MAGI1: variants seen among roughly 807,000 people sequenced by gnomAD.
MAGI1 encodes membrane associated guanylate kinase, WW and PDZ domain containing 1.
A neutral mutation model predicts 139.9 loss-of-function variants in MAGI1; 58 were observed. That is an observed-to-expected ratio of 0.41 (90% confidence interval 0.34 to 0.52). The LOEUF (loss-of-function observed/expected upper bound fraction) is 0.52. MAGI1 is among the 20% of genes least tolerant of loss of function. MAGI1 has a pLI of 0.12. For synonymous variants in MAGI1, 812 were observed against 737.9 expected, an observed-to-expected ratio of 1.10 and a Z score of -1.63; for missense variants, 1,874 against 1,901.6, an observed-to-expected ratio of 0.99 and a Z score of 0.27.
intron 1 of MAGI1, among the ~76,000 whole-genome samples, chr3:65,887,512 A>G (rs1424197044): frequency 6.6e-6 from 1 of 152,020 alleles, no homozygotes; most frequent in African/African-American, 2.4e-5. Context: ...CTGTGCATTA[A>G]AAAAAACTAT....
chr3:65,527,237 T>C (rs983651241), intron 2 of MAGI1, among the ~76,000 whole-genome samples: 1 of 152,220 alleles, frequency 6.6e-6, no homozygotes, highest in Non-Finnish European at 1.5e-5. Flanking sequence ...CTTGGGATGC[T>C]ACCATAAGAG....
At chr3:65,889,658 ATAACAGTAAG>A (rs1176879494) in intron 1 of MAGI1, among the ~76,000 whole-genome samples, 1 of 152,252 alleles carries the variant, frequency 6.6e-6, no homozygotes, top group African/African-American at 2.4e-5. Flanking sequence ...AGGCCTTAAC[ATAACAGTAAG>A]TAACACAACA....
intron 2 of MAGI1, chr3:65,620,101 A>C (rs747987582): frequency 4.6e-6 from 2 of 437,420 alleles, no homozygotes; most frequent in Non-Finnish European, 6.1e-6. Flanking sequence ...AGCATGCCAA[A>C]ATGTAACCAT....
intron 2 of MAGI1, among the ~76,000 whole-genome samples, chr3:65,519,224 A>T (rs910693158): frequency 1.3e-5 from 2 of 151,990 alleles, no homozygotes; most frequent in East Asian, 3.9e-4. Flanking sequence ...GATCAGAGAG[A>T]CAATGAGGAC....
intron 1 of MAGI1, among the ~76,000 whole-genome samples, chr3:65,962,530 G>A (rs140912778): frequency 1.2e-4 from 18 of 152,080 alleles, no homozygotes; most frequent in Non-Finnish European, 1.8e-4. Flanking sequence ...ACATCAAAAC[G>A]TCCATTAGAA....
chr3:65,543,712 G>A (rs920960169), intron 2 of MAGI1, among the ~76,000 whole-genome samples: 1 of 152,002 alleles, frequency 6.6e-6, no homozygotes, highest in African/African-American at 2.4e-5. Flanking sequence ...GAGAATACAT[G>A]GACACAGAGA....
chr3:65,464,083 CA>C (rs1158810022), intron 5 of MAGI1, among the ~76,000 whole-genome samples: 2 of 152,066 alleles, frequency 1.3e-5, no homozygotes, highest in Non-Finnish European at 2.9e-5. Flanking sequence ...CTTTAGGGTC[CA>C]TAGTGACTCC....
At chr3:65,718,421 G>C (rs1252637444) in intron 1 of MAGI1, 1 of 152,160 alleles carries the variant, frequency 6.6e-6, no homozygotes, top group Non-Finnish European at 1.5e-5. Flanking sequence ...ATACATTTGA[G>C]AACAGAAATG....
intron 1 of MAGI1, among the ~76,000 whole-genome samples, chr3:65,756,993 T>C (rs1470043853): frequency 1.3e-5 from 2 of 152,226 alleles, no homozygotes; most frequent in African/African-American, 4.8e-5. Context: ...CTGAAATAAT[T>C]CTTTTCAGAC....
intron 3 of MAGI1, among the ~76,000 whole-genome samples, chr3:65,483,426 A>G (rs1265043613): frequency 6.6e-6 from 1 of 152,232 alleles, no homozygotes; most frequent in Non-Finnish European, 1.5e-5. Flanking sequence ...TCTCATCACA[A>G]TCAAGCAAAG....
At position 65,910,855 on chromosome 3, in the gene MAGI1, C is replaced by CTTTTTTTTTTTTTTTTTTTTTTTTTT. The variant is rs397989928; in HGVS notation, c.313+127140_313+127141insAAAAAAAAAAAAAAAAAAAAAAAAAA. On this transcript the variant is annotated intron_variant, in intron 1 of 22. Coordinates refer to ENST00000402939, the MANE Select transcript of MAGI1 (RefSeq NM_001033057.2). ...TGAGGCCTCTTTCAGACATGGTGGA[C>CTTTTTTTTTTTTTTTTTTTTTTTTTT]TTTTTTTTTTTTTTTTTTTTGAGAT... Among the ~76,000 whole-genome samples the CTTTTTTTTTTTTTTTTTTTTTTTTTT allele has an allele frequency of 6.7e-5, 4 of 59,480 alleles. 2 individuals carry two copies. Among genetic ancestry groups the CTTTTTTTTTTTTTTTTTTTTTTTTTT allele is most frequent in the South Asian group, 1.8e-3 (2 of 1,106 alleles). 39.0% of individuals were successfully genotyped at this position (59,480 alleles called of 152,430 possible). A position where few individuals can be genotyped will look rare whatever the true frequency, so the allele number is the denominator to read the frequency against.
At chr3:65,624,925 T>C (rs1445405901) in intron 1 of MAGI1, among the ~76,000 whole-genome samples, 1 of 152,208 alleles carries the variant, frequency 6.6e-6, no homozygotes, top group African/African-American at 2.4e-5. Flanking sequence ...CAGGCTTGTG[T>C]GCAGTGGCAC....
At position 65,816,296 on chromosome 3, in the gene MAGI1, T is replaced by C. The variant is rs192085563; in HGVS notation, c.314-194208A>G. ...ACAGGACTATCCAAAAAAAAAACAC[T>C]TTCAGTGATGAAAAATTTCCATAAT... On this transcript the variant is annotated intron_variant, in intron 1 of 22. Transcript: ENST00000402939. Among the ~76,000 whole-genome samples the C allele has an allele frequency of 6.9e-3, 1,047 of 152,218 alleles. 12 individuals are homozygous for C. The highest frequency in any genetic ancestry group is 0.021 in the African/African-American group (878 of 41,536).
intron 1 of MAGI1, among the ~76,000 whole-genome samples, chr3:65,994,268 C>G (rs2066325543): frequency 1.0e-5 from 1 of 95,924 alleles, no homozygotes; most frequent in African/African-American, 3.8e-5. Flanking sequence ...AGCAAGACTC[C>G]ATCTCAAAAA....
At position 65,778,284 on chromosome 3, in the gene MAGI1, G is replaced by T. The variant is rs978525182; in HGVS notation, c.314-156196C>A. On this transcript the variant is annotated intron_variant, in intron 1 of 22. Transcript: ENST00000402939. ...GTCTCTACTGAAAATACAAAAATTA[G>T]CTGGGCATGGTGGCGGGTGCCTGTA... Among the ~76,000 whole-genome samples, 6 of 151,986 alleles carry T rather than the reference G, an allele frequency of 3.9e-5. No homozygotes were observed. The East Asian group carries it at 5.8e-4, about 15-fold the overall frequency.
intron 2 of MAGI1, among the ~76,000 whole-genome samples, chr3:65,497,591 G>A (rs907932240): frequency 6.6e-6 from 1 of 151,796 alleles, no homozygotes; most frequent in African/African-American, 2.4e-5. Context: ...AAAAAATGAG[G>A]ACAAAATAAA....
chr3:65,530,868 T>C (rs1029417341), intron 2 of MAGI1, among the ~76,000 whole-genome samples: 1 of 140,810 alleles, frequency 7.1e-6, no homozygotes, highest in African/African-American at 2.7e-5. Context: ...TATATATATA[T>C]GGAGAGAGAG....
chr3:65,807,451 C>A (rs1041670859), intron 1 of MAGI1, among the ~76,000 whole-genome samples: 1 of 152,196 alleles, frequency 6.6e-6, no homozygotes. Context: ...AAAGGCCACA[C>A]CTCTTAACAC....
intron 1 of MAGI1, among the ~76,000 whole-genome samples, chr3:65,735,218 A>G (rs931551685): frequency 4.6e-5 from 7 of 152,134 alleles, no homozygotes; most frequent in Non-Finnish European, 1.0e-4. Context: ...AGCCATGTAG[A>G]CTGCTTTAAA....
Sources: gnomAD v4.1 joint callset for allele counts (sites outside exome capture counted in the v4.1 genomes callset) on GRCh38, gnomAD v4.1.1 for gene constraint, MANE v1.5 for transcripts, NCBI Gene and HGNC (gene_info 2026-07-23, HGNC 2026-07-21) for gene names.